Variants in TSPAN9 observed in about 807,000 individuals in gnomAD.
TSPAN9 encodes the protein tetraspanin-9.
In TSPAN9, 16 loss-of-function variants were observed where a neutral mutation model predicts 31.0. The observed-to-expected ratio is 0.52, with a 90% CI of 0.35 to 0.78. The LOEUF (loss-of-function observed/expected upper bound fraction) is 0.78. Among genes scored for constraint, TSPAN9 ranks in the 30% least tolerant of loss-of-function variants. TSPAN9 has a pLI of 0.01. For synonymous variants in TSPAN9, 145 were observed against 121.6 expected, an observed-to-expected ratio of 1.19 and a Z score of -1.27; for missense variants, 272 against 312.5, an observed-to-expected ratio of 0.87 and a Z score of 0.98.
chr12:3,215,773 G>A (rs1242814851), intron 3 of TSPAN9, among the ~76,000 whole-genome samples: 2 of 152,188 alleles, frequency 1.3e-5, no homozygotes, highest in African/African-American at 2.4e-5. Context: ...TCCAGGCTCC[G>A]TGGTGGGCCC....
intron 3 of TSPAN9, among the ~76,000 whole-genome samples, chr12:3,226,204 A>C (rs2098387058): frequency 6.6e-6 from 1 of 152,156 alleles, no homozygotes. Context: ...TGGTAGAGTT[A>C]GGAAGGCAGA....
chr12:3,111,099 T>A (rs2098318398), intron 2 of TSPAN9, among the ~76,000 whole-genome samples: 1 of 152,188 alleles, frequency 6.6e-6, no homozygotes, highest in Non-Finnish European at 1.5e-5. Context: ...GGGATGTTGC[T>A]GTTGTCCTCT....
chr12:3,087,326 T>C (rs7295094), intron 2 of TSPAN9, among the ~76,000 whole-genome samples: 36,220 of 151,974 alleles, frequency 0.24, 5,129 homozygotes, highest in South Asian at 0.39. Flanking sequence ...GACAACATAG[T>C]GAGACCTCGT....
At chr12:3,078,058 A>C (rs886332188) in intron 1 of TSPAN9, among the ~76,000 whole-genome samples, 1 of 152,234 alleles carries the variant, frequency 6.6e-6, no homozygotes, top group Non-Finnish European at 1.5e-5. Context: ...TTGTTGTTGT[A>C]AGAGCAATAT....
intron 3 of TSPAN9, among the ~76,000 whole-genome samples, chr12:3,232,572 C>T (rs1297040908): frequency 6.6e-6 from 1 of 152,228 alleles, no homozygotes; most frequent in Non-Finnish European, 1.5e-5. Context: ...GCCAGCTTTG[C>T]ATCGGAATCA....
chr12:3,263,421 C>T (rs545112597), intron 3 of TSPAN9, among the ~76,000 whole-genome samples: 32 of 152,312 alleles, frequency 2.1e-4, no homozygotes, highest in African/African-American at 6.5e-4. Flanking sequence ...TGCGGAGAGG[C>T]GCACCTCTCC....
rs557991698 is a variant in TSPAN9 at position 3,157,336 on chromosome 12, C to A, written c.-17-43841C>A. 2.0e-5 allele frequency among the ~76,000 whole-genome samples: 3 copies of A among 152,128 alleles called. No homozygotes were observed. The South Asian group carries it at 6.2e-4, about 32-fold the overall frequency. On this transcript the variant is annotated intron_variant, in intron 2 of 8. Coordinates refer to ENST00000011898, the MANE Select transcript of TSPAN9 (RefSeq NM_006675.5). ...CAGGGTGGTCTCAATCTCCTGACCG[C>A]ATGATCCCCCCACCTCGGCCTCCCA...
At chr12:3,097,698 C>A (rs1007634888) in intron 2 of TSPAN9, among the ~76,000 whole-genome samples, 11 of 152,236 alleles carry the variant, frequency 7.2e-5, no homozygotes, top group African/African-American at 2.7e-4. Context: ...GAATGGCTCC[C>A]CCCGCAATCC....
At chr12:3,269,245 G>T (rs1393426526) in intron 3 of TSPAN9, among the ~76,000 whole-genome samples, 1 of 25,976 alleles carries the variant, frequency 3.8e-5, no homozygotes, top group African/African-American at 2.5e-4. Context: ...CCTGCAGCCT[G>T]CCCTGTGTTC....
chr12:3,097,751 T>C (rs1012750980), intron 2 of TSPAN9, among the ~76,000 whole-genome samples: 1 of 152,078 alleles, frequency 6.6e-6, no homozygotes, highest in South Asian at 2.1e-4. Context: ...TTGGCTGGGG[T>C]GGTGCATCAG....
intron 2 of TSPAN9, among the ~76,000 whole-genome samples, chr12:3,096,289 A>G (rs1046391453): frequency 4.6e-5 from 7 of 151,794 alleles, no homozygotes; most frequent in Admixed American, 2.6e-4. Flanking sequence ...AGCCACCTCT[A>G]CCTCCCGATT....
chr12:3,119,898 C>T (rs2153966103), intron 2 of TSPAN9, among the ~76,000 whole-genome samples: 1 of 152,198 alleles, frequency 6.6e-6, no homozygotes, highest in South Asian at 2.1e-4. Flanking sequence ...GGCCTGGCCG[C>T]CAGCGCCCCG....
chr12:3,190,254 C>T (rs1300305240), intron 2 of TSPAN9, among the ~76,000 whole-genome samples: 1 of 152,212 alleles, frequency 6.6e-6, no homozygotes, highest in South Asian at 2.1e-4. Flanking sequence ...AGTCAGCACC[C>T]TCTGTGGAGT....
At chr12:3,242,919 G>T (rs2098397357) in intron 3 of TSPAN9, among the ~76,000 whole-genome samples, 1 of 152,234 alleles carries the variant, frequency 6.6e-6, no homozygotes, top group Non-Finnish European at 1.5e-5. Context: ...CTGCTGTGCA[G>T]AAGTGATGTG....
rs1356940524 is a variant in TSPAN9 at position 3,281,749 on chromosome 12, G to A, written c.580G>A (p.Val194Met). ...CGCTCCCCAGGGCTGCTATGAAAAG[G>A]TGAAGATGTGGTTCGATGACAATAA... is the stretch of plus-strand genomic sequence containing the variant. The part of the protein sequence containing the change: ...PLWRTGCYEK[V>M]KMWFDDNKHV... The change falls in exon 8 of 9, where the codon GTG (valine) becomes ATG (methionine). Residue 194 changes from valine (V) to methionine (M), a missense_variant. Physicochemically the swap from Val to Met is conservative, Grantham distance 21. Transcript: ENST00000011898. 1 of 1,613,652 alleles carries A rather than the reference G, an allele frequency of 6.2e-7. No individual in the cohort carries two copies.
At chr12:3,152,292 T>G (rs1001599380) in intron 2 of TSPAN9, among the ~76,000 whole-genome samples, 1 of 152,224 alleles carries the variant, frequency 6.6e-6, no homozygotes, top group African/African-American at 2.4e-5. Flanking sequence ...AGCAGGATCC[T>G]GGCACCCAGC....
At chr12:3,137,381 C>T (rs531478101) in intron 2 of TSPAN9, among the ~76,000 whole-genome samples, 1 of 152,302 alleles carries the variant, frequency 6.6e-6, no homozygotes, top group South Asian at 2.1e-4. Context: ...GGAGCCCAGG[C>T]CACTGTCCTG....
At chr12:3,177,704 A>T (rs1279374977) in intron 2 of TSPAN9, among the ~76,000 whole-genome samples, 1 of 152,240 alleles carries the variant, frequency 6.6e-6, no homozygotes, top group Non-Finnish European at 1.5e-5. Context: ...AAGTACTGGG[A>T]TTACAGGTGT....
At chr12:3,281,980 C>A (rs1161423667) in intron 8 of TSPAN9, 163 bp downstream of exon 8, 2 of 824,518 alleles carry the variant, frequency 2.4e-6, no homozygotes, top group African/African-American at 1.7e-5. Context: ...TTCCGCAGAG[C>A]TCTGATATGA....
Sources: gnomAD v4.1 joint callset for allele counts (sites outside exome capture counted in the v4.1 genomes callset) on GRCh38, gnomAD v4.1.1 for gene constraint, MANE v1.5 for transcripts, NCBI Gene and HGNC (gene_info 2026-07-23, HGNC 2026-07-21) for gene names.